Variants in AKAP12 observed in about 807,000 individuals in gnomAD.
AKAP12 encodes A-kinase anchor protein 12.
Under a neutral mutation model 79.9 loss-of-function variants are expected in AKAP12, and 32 were observed. The ratio of observed to expected loss-of-function variants is 0.40; its 90% CI spans 0.30 to 0.54. AKAP12 has a LOEUF of 0.54. AKAP12 is among the 20% of genes least tolerant of loss of function. The probability of loss-of-function intolerance (pLI) is 0.48; values close to 1 mark genes in which losing one functional copy is unlikely to be tolerated. For synonymous variants in AKAP12, 808 were observed against 857.0 expected (o/e 0.94, Z 1.00); for missense variants, 2,074 against 2,177.0 (o/e 0.95, Z 0.94).
At chr6:151,303,996 C>A (rs1180628612) in intron 2 of AKAP12, among the ~76,000 whole-genome samples, 1 of 152,130 alleles carries the variant, frequency 6.6e-6, no homozygotes, top group African/African-American at 2.4e-5. Flanking sequence ...CAACCCCACC[C>A]CACCAGAATT....
At chr6:151,288,241 G>T (rs1776545749) in intron 2 of AKAP12, among the ~76,000 whole-genome samples, 1 of 151,854 alleles carries the variant, frequency 6.6e-6, no homozygotes, top group Non-Finnish European at 1.5e-5. Context: ...ATGGCTGGGT[G>T]CAGTGGCCCA....
chr6:151,352,786 C>T lies in AKAP12; in HGVS notation c.4395C>T (p.Ala1465=), dbSNP rs147602436. ...CCTCTGAAAAAAATGAAGACTTTGC[C>T]GCTCATCCAGGGGAAGATGCTGTGC... ...EKSSEKNEDF[A]AHPGEDAVPT... is the part of the protein sequence containing the mutation. Residue 1465 remains alanine (A), a synonymous_variant, in exon 4 of 5, where the codon GCC becomes GCT. Coordinates refer to ENST00000402676, the MANE Select transcript of AKAP12 (RefSeq NM_005100.4). 1.5e-5 allele frequency: 24 copies of T among 1,614,158 alleles called. No homozygotes were observed. Among genetic ancestry groups the T allele is most frequent in the African/African-American group, 2.7e-5 (2 of 75,030 alleles).
At position 151,349,582 on chromosome 6, in the gene AKAP12, T is replaced by C. The variant is rs1181420693; in HGVS notation, c.1191T>C (p.Ala397=). ...AGGGACCTTCTGAAGAGAAACCTGC[T>C]CCGTTGGCGACAGAAGTGTTTGATG... ...GSQGPSEEKP[A]PLATEVFDEK... is the part of the protein sequence containing the mutation. The change falls in exon 4 of 5, where the codon GCT becomes GCC. Residue 397 remains alanine (A), a synonymous_variant. Transcript: ENST00000402676. The C allele has an allele frequency of 6.2e-7, 1 of 1,610,668 alleles. No homozygotes were observed. The highest frequency in any genetic ancestry group is 8.5e-7 in the Non-Finnish European group (1 of 1,179,038).
At chr6:151,301,647 GA>G (rs768900924) in intron 2 of AKAP12, among the ~76,000 whole-genome samples, 7 of 152,156 alleles carry the variant, frequency 4.6e-5, no homozygotes, top group Non-Finnish European at 8.8e-5. Context: ...ATCTGACTAG[GA>G]ATGAAGTCCC....
intron 2 of AKAP12, among the ~76,000 whole-genome samples, chr6:151,276,372 A>G (rs1171944836): frequency 1.3e-5 from 2 of 152,256 alleles, no homozygotes; most frequent in Non-Finnish European, 2.9e-5. Context: ...TCCTTCCTCC[A>G]GGAATTTGCT....
intron 3 of AKAP12, chr6:151,324,463 C>T (rs1012980417): frequency 2.0e-6 from 2 of 985,326 alleles, no homozygotes; most frequent in Non-Finnish European, 2.4e-6. Flanking sequence ...AGCCAGCTCT[C>T]CTGGACTTCC....
At chr6:151,330,296 C>A (rs1027010250) in intron 3 of AKAP12, among the ~76,000 whole-genome samples, 3 of 152,256 alleles carry the variant, frequency 2.0e-5, no homozygotes, top group Admixed American at 1.3e-4. Flanking sequence ...CCTACCCCAC[C>A]CCCCAAAAAA....
intron 2 of AKAP12, among the ~76,000 whole-genome samples, chr6:151,300,615 T>C (rs776170537): frequency 5.3e-5 from 8 of 152,176 alleles, no homozygotes; most frequent in Non-Finnish European, 1.0e-4. Flanking sequence ...AGAAGTCTCC[T>C]AGTTTTTCTG....
At position 151,281,284 on chromosome 6, in the gene AKAP12, C is replaced by T. The variant is rs146282829; in HGVS notation, c.163-24463C>T. On this transcript the variant is annotated intron_variant, in intron 2 of 4. Coordinates refer to ENST00000402676, the MANE Select transcript of AKAP12 (RefSeq NM_005100.4). ...GTGCTAATTTTAATGCTACTGAGAACAAATGAGTGCTCAGATTTGGCCACG... is the reference window on the plus strand; with the variant it reads ...GTGCTAATTTTAATGCTACTGAGAATAAATGAGTGCTCAGATTTGGCCACG... Among the ~76,000 whole-genome samples, 210 of 152,306 alleles carry T rather than the reference C, an allele frequency of 1.4e-3. 3 individuals carry two copies. Among genetic ancestry groups the T allele is most frequent in the Admixed American group, 9.2e-3 (141 of 15,298 alleles).
chr6:151,353,599 A>T lies in AKAP12; in HGVS notation c.5208A>T (p.Lys1736Asn). The change falls in exon 4 of 5, where the codon AAA (lysine) becomes AAT (asparagine). Residue 1736 changes from lysine (K) to asparagine (N), a missense_variant. This residue lies in a region of AKAP12 where 614 missense variants were observed against 665.6 expected (regional missense o/e 0.92). Transcript: ENST00000402676. Reference sequence around the variant, plus strand: ...CAGATACAAATGGACCAAAACAAAAAGAGAAGGAGGATGCCCAGGAAGTAG... The same window carrying T: ...CAGATACAAATGGACCAAAACAAAATGAGAAGGAGGATGCCCAGGAAGTAG... Reference protein sequence around the residue: ...ESPDTNGPKQKEKEDAQEVEL... With the variant: ...ESPDTNGPKQNEKEDAQEVEL... 1 of 1,614,202 alleles carries T rather than the reference A, an allele frequency of 6.2e-7. No homozygotes were observed. Among genetic ancestry groups the T allele is most frequent in the Admixed American group, 1.7e-5 (1 of 60,022 alleles).
At chr6:151,332,379 C>T (rs932132025) in intron 3 of AKAP12, among the ~76,000 whole-genome samples, 1 of 152,110 alleles carries the variant, frequency 6.6e-6, no homozygotes, top group South Asian at 2.1e-4. Flanking sequence ...AGAGATCCCT[C>T]CTTCTTGGGT....
At chr6:151,252,732 GAAAAAAAAA>G (rs1185564468) in intron 2 of AKAP12, among the ~76,000 whole-genome samples, 6 of 95,816 alleles carry the variant, frequency 6.3e-5, no homozygotes, top group East Asian at 3.0e-4. Context: ...CTGTCTCTGG[GAAAAAAAAA>G]AAAAAAAAAA....
chr6:151,281,028 G>A (rs1444940116), intron 2 of AKAP12, among the ~76,000 whole-genome samples: 2 of 152,086 alleles, frequency 1.3e-5, no homozygotes, highest in East Asian at 3.9e-4. Context: ...TAAACACATT[G>A]GCAGCTTCTT....
At chr6:151,254,070 A>G (rs1797243036) in intron 2 of AKAP12, among the ~76,000 whole-genome samples, 1 of 152,108 alleles carries the variant, frequency 6.6e-6, no homozygotes, top group Non-Finnish European at 1.5e-5. Flanking sequence ...TGTTAACCTA[A>G]ATATTTAAAT....
chr6:151,273,922 G>A (rs1333248678), intron 2 of AKAP12, among the ~76,000 whole-genome samples: 9 of 152,124 alleles, frequency 5.9e-5, no homozygotes, highest in African/African-American at 2.2e-4. Context: ...CCAGCTACTC[G>A]GGAAACTGAG....
chr6:151,310,181 GGT>G (rs1265862045), intron 3 of AKAP12, among the ~76,000 whole-genome samples: 12 of 151,988 alleles, frequency 7.9e-5, no homozygotes, highest in Non-Finnish European at 1.5e-5. Context: ...TGGCCAACAT[GGT>G]GAAACCCCGT....
rs772755040 is a variant in AKAP12 at position 151,240,715 on chromosome 6, C to G, written c.153C>G (p.Pro51=). The change falls in exon 2 of 5, where the codon CCC becomes CCG. Residue 51 remains proline (P), a synonymous_variant. Transcript: ENST00000402676. The part of the protein sequence containing the change: ...TADPAIAASD[P]ATKLLQKNGQ... ...ACCCCGCCATCGCTGCCTCGGACCC[C>G]GCCACCAAGGTACGGGCGTGCCGGG... is the stretch of plus-strand genomic sequence containing the variant. 7.9e-7 allele frequency: 1 copy of G among 1,269,962 alleles called. No individual in the cohort carries two copies. The highest frequency in any genetic ancestry group is 2.8e-5 in the South Asian group (1 of 35,862). The allele number at this position is 1,269,962 out of a possible 1,614,324, so 78.7% of individuals were successfully genotyped here.
chr6:151,332,284 C>A (rs1299729950), intron 3 of AKAP12, among the ~76,000 whole-genome samples: 1 of 152,062 alleles, frequency 6.6e-6, no homozygotes, highest in African/African-American at 2.4e-5. Context: ...GATCCGCCCG[C>A]CTCGGCCTCC....
intron 3 of AKAP12, among the ~76,000 whole-genome samples, chr6:151,323,553 CA>C (rs11391078): frequency 0.052 from 6,969 of 134,846 alleles, 246 homozygotes; most frequent in East Asian, 0.15. Flanking sequence ...GACTCCATCT[CA>C]AAAAAAAAAA....
Sources: allele counts gnomAD v4.1 joint callset (sites outside exome capture counted in the v4.1 genomes callset), GRCh38; gene constraint gnomAD v4.1.1; regional missense constraint gnomAD v4.1.1; transcripts MANE v1.5; gene names NCBI Gene and HGNC (gene_info 2026-07-23, HGNC 2026-07-21).